PAX5: variants seen among roughly 807,000 people sequenced by gnomAD.
The protein encoded by PAX5 is paired box protein Pax-5.
In PAX5, 9 loss-of-function variants were observed where a neutral mutation model predicts 43.7. That is an observed-to-expected ratio of 0.21 (90% CI 0.12 to 0.36). PAX5 has a LOEUF of 0.36. Among genes scored for constraint, PAX5 ranks in the 10% least tolerant of loss-of-function variants. The pLI is 1.00. For synonymous variants in PAX5, 228 were observed against 214.3 expected (o/e 1.06, Z -0.56); for missense variants, 383 against 532.7 (o/e 0.72, Z 2.77).
intron 6 of PAX5, among the ~76,000 whole-genome samples, chr9:36,951,954 C>A (rs2132113198): frequency 6.6e-6 from 1 of 152,266 alleles, no homozygotes. Flanking sequence ...CTATGAAATG[C>A]AAAAATCTTA....
intron 6 of PAX5, among the ~76,000 whole-genome samples, chr9:36,924,876 G>A (rs75114645): frequency 0.023 from 445 of 19,306 alleles, 7 homozygotes; most frequent in African/African-American, 0.072. Flanking sequence ...AAACACTTAA[G>A]CCAACAAATT....
At chr9:36,869,959 GATAAATGGATGGATGGATGGATAA>G (rs1825309319) in intron 8 of PAX5, among the ~76,000 whole-genome samples, 1 of 111,670 alleles carries the variant, frequency 9.0e-6, no homozygotes, top group Non-Finnish European at 1.9e-5. Flanking sequence ...TGGATGGATG[GATAAATGGATGGATGGATGGATAA>G]ATGGATGGAT....
At chr9:36,967,752 T>C (rs1490962418) in intron 5 of PAX5, among the ~76,000 whole-genome samples, 7 of 152,194 alleles carry the variant, frequency 4.6e-5, no homozygotes, top group Non-Finnish European at 2.9e-5. Context: ...GAGAGACTTT[T>C]CATGGCATGT....
At chr9:36,878,032 A>T (rs1200311753) in intron 8 of PAX5, among the ~76,000 whole-genome samples, 2 of 152,162 alleles carry the variant, frequency 1.3e-5, no homozygotes. Context: ...GAATGCCGGG[A>T]ACGAACCACA....
chr9:37,001,975 C>T (rs1837908814), intron 5 of PAX5, among the ~76,000 whole-genome samples: 1 of 152,046 alleles, frequency 6.6e-6, no homozygotes, highest in Non-Finnish European at 1.5e-5. Flanking sequence ...AGGTGGCTGG[C>T]TCTGGAGACC....
intron 6 of PAX5, among the ~76,000 whole-genome samples, chr9:36,940,406 C>T (rs992886922): frequency 9.2e-5 from 14 of 152,180 alleles, no homozygotes; most frequent in Non-Finnish European, 1.0e-4. Flanking sequence ...GACGTCTGCA[C>T]GCCTCTTGTG....
chr9:36,986,120 CGCTGCCCAGCTCCCG>C (rs1836387154), intron 5 of PAX5, among the ~76,000 whole-genome samples: 2 of 151,990 alleles, frequency 1.3e-5, no homozygotes, highest in South Asian at 4.1e-4. Context: ...TCATCTGCTC[CGCTGCCCAGCTCCCG>C]GCTGCCGCCG....
intron 7 of PAX5, among the ~76,000 whole-genome samples, chr9:36,896,624 A>G (rs879623987): frequency 6.6e-6 from 1 of 152,126 alleles, no homozygotes. Flanking sequence ...GGGCCGAACT[A>G]TCTCACAGAA....
intron 7 of PAX5, among the ~76,000 whole-genome samples, chr9:36,907,929 T>C (rs1470983057): frequency 1.3e-5 from 2 of 152,170 alleles, no homozygotes; most frequent in African/African-American, 4.8e-5. Flanking sequence ...CATGTATTAC[T>C]TTGCAATTAA....
chr9:36,839,209 C>A lies in PAX5; in HGVS notation c.*1351G>T. The A allele has an allele frequency of 4.3e-6, 1 of 233,678 alleles. No individual in the cohort carries two copies. Among genetic ancestry groups the A allele is most frequent in the East Asian group, 6.0e-5 (1 of 16,590 alleles). 14.5% of individuals were successfully genotyped at this position (233,678 alleles called of 1,614,324 possible). A position where few individuals can be genotyped will look rare whatever the true frequency, so the allele number is the denominator to read the frequency against. ...CCTCAGGAGGCCTTCCTCTGTCCCCCAGATCTTCCCTGCTGGCTTCCTCTG... is the reference window on the plus strand; with the variant it reads ...CCTCAGGAGGCCTTCCTCTGTCCCCAAGATCTTCCCTGCTGGCTTCCTCTG... On this transcript the variant is annotated 3_prime_UTR_variant, in exon 10 of 10. Coordinates refer to ENST00000358127, the MANE Select transcript of PAX5 (RefSeq NM_016734.3).
intron 4 of PAX5, 82 bp from the exon 5 acceptor site, chr9:37,002,858 CGGCTGGGAGGGA>C: frequency 7.5e-7 from 1 of 1,340,588 alleles, no homozygotes; most frequent in Non-Finnish European, 1.0e-6. Context: ...AGGCTGGGGG[CGGCTGGGAGGGA>C]GCGAGCGCAG....
At chr9:36,881,844 C>T (rs1020002434) in intron 8 of PAX5, among the ~76,000 whole-genome samples, 160 bp downstream of exon 8, 5 of 152,112 alleles carry the variant, frequency 3.3e-5, no homozygotes, top group African/African-American at 1.2e-4. Context: ...GGTCCAGGGC[C>T]CACTGCAGGC....
At chr9:36,863,326 C>G (rs1273439417) in intron 8 of PAX5, among the ~76,000 whole-genome samples, 2 of 152,188 alleles carry the variant, frequency 1.3e-5, no homozygotes, top group Non-Finnish European at 2.9e-5. Flanking sequence ...TGCAGTGGCA[C>G]CAGCATAGCT....
intron 8 of PAX5, among the ~76,000 whole-genome samples, chr9:36,859,081 G>C (rs1823942990): frequency 6.6e-6 from 1 of 152,172 alleles, no homozygotes; most frequent in African/African-American, 2.4e-5. Flanking sequence ...GGTTCACTGT[G>C]TGCTGAGAAC....
intron 6 of PAX5, among the ~76,000 whole-genome samples, chr9:36,924,974 T>C (rs1830536910): frequency 6.6e-6 from 1 of 151,794 alleles, no homozygotes; most frequent in African/African-American, 2.4e-5. Flanking sequence ...TGGTCCAGGG[T>C]TATGTCCTTG....
chr9:37,025,119 C>T (rs560886372), intron 1 of PAX5, among the ~76,000 whole-genome samples: 2 of 152,330 alleles, frequency 1.3e-5, no homozygotes, highest in East Asian at 3.9e-4. Flanking sequence ...TGGGCGCAGG[C>T]CCCAAACCTT....
intron 3 of PAX5, among the ~76,000 whole-genome samples, chr9:37,013,387 C>T (rs1452667183): frequency 1.3e-5 from 2 of 152,134 alleles, no homozygotes; most frequent in African/African-American, 4.8e-5. Context: ...CCCCCATGGA[C>T]TACCTAAGGT....
chr9:36,855,409 C>G (rs547801088), intron 8 of PAX5, among the ~76,000 whole-genome samples: 1 of 152,358 alleles, frequency 6.6e-6, no homozygotes, highest in Admixed American at 6.5e-5. Context: ...TTGAACAACA[C>G]TGGTCCAAGT....
At chr9:36,863,916 C>T (rs569231490) in intron 8 of PAX5, among the ~76,000 whole-genome samples, 30 of 152,316 alleles carry the variant, frequency 2.0e-4, no homozygotes, top group African/African-American at 5.1e-4. Context: ...CAAGACCAGC[C>T]TGGCCAACAT....
Sources: allele counts gnomAD v4.1 joint callset (sites outside exome capture counted in the v4.1 genomes callset), GRCh38; gene constraint gnomAD v4.1.1; transcripts MANE v1.5; gene names NCBI Gene and HGNC (gene_info 2026-07-23, HGNC 2026-07-21).